Variants in PRDM16 observed in about 807,000 individuals in gnomAD.
The protein encoded by PRDM16 is histone-lysine N-methyltransferase PRDM16.
Under a neutral mutation model 110.6 loss-of-function variants are expected in PRDM16, and 23 were observed. The observed-to-expected ratio is 0.21, with a 90% CI of 0.15 to 0.29. The LOEUF is 0.29. PRDM16 is among the 10% of genes least tolerant of loss of function. The probability of loss-of-function intolerance (pLI) is 1.00; values close to 1 mark genes in which losing one functional copy is unlikely to be tolerated. For missense variants in PRDM16, 1,615 were observed against 1,794.3 expected, an observed-to-expected ratio of 0.90 and a Z score of 1.81; for synonymous variants, 799 against 781.8, an observed-to-expected ratio of 1.02 and a Z score of -0.37.
Position 3,247,431 on chromosome 1 carries a change from A to AT in PRDM16, c.438+3295dup, listed in dbSNP as rs1351379550. On this transcript the variant is annotated intron_variant, in intron 3 of 16. Coordinates refer to ENST00000270722, the MANE Select transcript of PRDM16 (RefSeq NM_022114.4). ...CGAGGGCGGCCGGGCCGAGGGTTGT[A>AT]TGGAGGCCTGGGATTCGAACTCAGG... Among the ~76,000 whole-genome samples the AT allele has an allele frequency of 5.9e-5, 9 of 152,322 alleles. No individual in the cohort carries two copies. In the East Asian group the frequency reaches 1.5e-3, roughly 26 times the overall value.
At chr1:3,075,208 C>T (rs931538981) in intron 1 of PRDM16, among the ~76,000 whole-genome samples, 1 of 152,218 alleles carries the variant, frequency 6.6e-6, no homozygotes, top group Admixed American at 6.5e-5. Flanking sequence ...ACATTTTGGG[C>T]AGAAAAGGAG....
At chr1:3,355,481 T>C (rs939833030) in intron 3 of PRDM16, among the ~76,000 whole-genome samples, 6 of 152,160 alleles carry the variant, frequency 3.9e-5, no homozygotes, top group Non-Finnish European at 8.8e-5. Flanking sequence ...GGTGCCACCC[T>C]GGGGAGCTAG....
Position 3,181,450 on chromosome 1 carries a change from G to GCA in PRDM16, c.38-4675_38-4674insCA, listed in dbSNP as rs1362006964. ...CGGTCTTACACAAGCAGTCTTACAC[G>GCA]GTCTTACACACGGTCTTACACACGC... On this transcript the variant is annotated intron_variant, in intron 1 of 16. Transcript: ENST00000270722. 1.1e-3 allele frequency among the ~76,000 whole-genome samples: 24 copies of GCA among 22,064 alleles called. 8 individuals carry two copies. Among genetic ancestry groups the GCA allele is most frequent in the Admixed American group, 4.3e-3 (6 of 1,396 alleles). 14.5% of individuals were successfully genotyped at this position (22,064 alleles called of 152,430 possible).
rs139824627 is a variant in PRDM16 at position 3,095,077 on chromosome 1, C to T, written c.37+25781C>T. ...AGATGATGAGCCAGGCTTGTCCTGACGGGGCACTGGCCCAGGCGAGCAGCC... is the reference window on the plus strand; with the variant it reads ...AGATGATGAGCCAGGCTTGTCCTGATGGGGCACTGGCCCAGGCGAGCAGCC... On this transcript the variant is annotated intron_variant, in intron 1 of 16. Coordinates refer to ENST00000270722, the MANE Select transcript of PRDM16 (RefSeq NM_022114.4). 3.2e-4 allele frequency among the ~76,000 whole-genome samples: 48 copies of T among 152,364 alleles called. No individual in the cohort carries two copies. The East Asian group carries it at 5.2e-3, about 17-fold the overall frequency.
chr1:3,361,829 T>C (rs1427319704), intron 3 of PRDM16, among the ~76,000 whole-genome samples: 11 of 135,616 alleles, frequency 8.1e-5, no homozygotes, highest in South Asian at 2.7e-4. Context: ...GAGAAGTGAC[T>C]GTGGCCCAGG....
chr1:3,403,615 C>T (rs1272573604), intron 6 of PRDM16, among the ~76,000 whole-genome samples: 1 of 152,228 alleles, frequency 6.6e-6, no homozygotes, highest in Non-Finnish European at 1.5e-5. Context: ...CTCCCCTGCC[C>T]TGAGACCAGG....
intron 1 of PRDM16, among the ~76,000 whole-genome samples, chr1:3,181,086 G>GCA (rs142664042): frequency 3.3e-5 from 2 of 59,886 alleles, no homozygotes; most frequent in South Asian, 4.7e-4. Flanking sequence ...TCTTACACAC[G>GCA]GCCTTACACA....
chr1:3,203,848 G>T (rs1326721674), intron 2 of PRDM16, among the ~76,000 whole-genome samples: 1 of 152,130 alleles, frequency 6.6e-6, no homozygotes, highest in Admixed American at 6.6e-5. Context: ...ATTCGGGGGG[G>T]GCACAATTTA....
At chr1:3,357,456 G>A (rs866594801) in intron 3 of PRDM16, among the ~76,000 whole-genome samples, 1 of 152,048 alleles carries the variant, frequency 6.6e-6, no homozygotes, top group African/African-American at 2.4e-5. Context: ...AGGATGGAGA[G>A]TCTCACCACG....
At chr1:3,247,347 CAG>C (rs2100919648) in intron 3 of PRDM16, among the ~76,000 whole-genome samples, 1 of 152,302 alleles carries the variant, frequency 6.6e-6, no homozygotes, top group South Asian at 2.1e-4. Context: ...TTCTAAGTAT[CAG>C]AGAGTGAGGT....
chr1:3,332,532 G>A (rs1020558603), intron 3 of PRDM16, among the ~76,000 whole-genome samples: 8 of 151,982 alleles, frequency 5.3e-5, no homozygotes, highest in South Asian at 2.1e-4. Flanking sequence ...ATTCTAGATC[G>A]GTCTTATGCT....
At chr1:3,179,523 A>G (rs113723056) in intron 1 of PRDM16, among the ~76,000 whole-genome samples, 7,897 of 152,278 alleles carry the variant, frequency 0.052, 226 homozygotes, top group Admixed American at 0.072. Context: ...AGGCTGTGAC[A>G]TCACATCCGT....
chr1:3,217,184 C>T (rs907795504), intron 2 of PRDM16, among the ~76,000 whole-genome samples: 13 of 152,256 alleles, frequency 8.5e-5, no homozygotes, highest in East Asian at 1.9e-4. Flanking sequence ...GGCATTCGCC[C>T]GTGTGTGAGT....
intron 3 of PRDM16, among the ~76,000 whole-genome samples, chr1:3,299,877 C>T (rs1161068746): frequency 1.3e-5 from 1 of 74,988 alleles, no homozygotes; most frequent in African/African-American, 3.9e-5. Context: ...GTCGTGGTGA[C>T]TCTGCCCTGG....
At position 3,316,144 on chromosome 1, in the gene PRDM16, C is replaced by T. The variant is rs1279750084; in HGVS notation, c.439-69008C>T. Among the ~76,000 whole-genome samples, 5 of 12,082 alleles carry T rather than the reference C, an allele frequency of 4.1e-4. No individual in the cohort carries two copies. In the Admixed American group the frequency reaches 6.1e-3, roughly 15 times the overall value. 7.9% of individuals were successfully genotyped at this position (12,082 alleles called of 152,430 possible). A position where few individuals can be genotyped will look rare whatever the true frequency, so the allele number is the denominator to read the frequency against. ...GGAATCGTCTGTCACTGACTGAGGG[C>T]GGGTGGGGGCGGGAGGGACCTTTCA... On this transcript the variant is annotated intron_variant, in intron 3 of 16. Coordinates refer to ENST00000270722, the MANE Select transcript of PRDM16 (RefSeq NM_022114.4).
At chr1:3,242,038 G>A (rs1223832774) in intron 2 of PRDM16, among the ~76,000 whole-genome samples, 1 of 152,236 alleles carries the variant, frequency 6.6e-6, no homozygotes, top group South Asian at 2.1e-4. Context: ...TGAATGGGCC[G>A]TGGCATGCAC....
rs1402659624 is a variant in PRDM16, at chr1:3,416,095, C to T, written c.2691+1448C>T. On this transcript the variant is annotated intron_variant, in intron 10 of 16. Transcript: ENST00000270722. The stretch of plus-strand genomic sequence containing the variant: ...ACAGCCTGGGTGGGGCTGGAAGGGG[C>T]CAGAGGGGAGGCCTTGGCCACTGTG... Among the ~76,000 whole-genome samples the T allele has an allele frequency of 2.0e-5, 3 of 152,186 alleles. No individual in the cohort carries two copies. In the East Asian group the frequency reaches 5.8e-4, roughly 29 times the overall value.
intron 1 of PRDM16, among the ~76,000 whole-genome samples, chr1:3,099,646 C>G (rs1360165126): frequency 1.1e-4 from 16 of 152,186 alleles, no homozygotes; most frequent in Non-Finnish European, 1.5e-5. Flanking sequence ...GTGCCGAGTG[C>G]AGTGGGTCAC....
At chr1:3,159,961 C>T (rs1643885417) in intron 1 of PRDM16, among the ~76,000 whole-genome samples, 2 of 152,220 alleles carry the variant, frequency 1.3e-5, no homozygotes, top group Admixed American at 1.3e-4. Flanking sequence ...ACGGGACATA[C>T]TTACACTAAA....
Sources: allele counts gnomAD v4.1 joint callset (sites outside exome capture counted in the v4.1 genomes callset), GRCh38; gene constraint gnomAD v4.1.1; transcripts MANE v1.5; gene names NCBI Gene and HGNC (gene_info 2026-07-23, HGNC 2026-07-21).